Variants in ASAH2B observed in about 807,000 individuals in gnomAD.
ASAH2B encodes the protein N-acylsphingosine amidohydrolase 2B, also known as putative inactive neutral ceramidase B.
A neutral mutation model predicts 2.9 loss-of-function variants in ASAH2B; 1 was observed. The observed-to-expected ratio is 0.34, with a 90% CI of 0.12 to 1.63. ASAH2B has a LOEUF of 1.63. Ranked by LOEUF, ASAH2B falls within the 40% of genes most tolerant of loss-of-function variation. ASAH2B has a pLI of 0.36. For synonymous variants in ASAH2B, 4 were observed against 13.3 expected, an observed-to-expected ratio of 0.30 and a Z score of 1.52; for missense variants, 9 against 37.7, an observed-to-expected ratio of 0.24 and a Z score of 1.99.
rs532549253 is a variant in ASAH2B at position 50,743,518 on chromosome 10, G to A, written c.-4+508G>A. On this transcript the variant is annotated intron_variant, in intron 2 of 5. Transcript: ENST00000647317. The stretch of plus-strand genomic sequence containing the variant: ...CAGAGGAAGCTTATTATTATAATTA[G>A]TAGCATGCTTTTACTTTCTTGGTGG... 9.3e-4 allele frequency among the ~76,000 whole-genome samples: 140 copies of A among 150,946 alleles called. 2 individuals are homozygous for A. Among genetic ancestry groups the A allele is most frequent in the African/African-American group, 2.0e-3 (80 of 40,818 alleles).
chr10:50,751,571 A>G (rs1839979166), intron 4 of ASAH2B, among the ~76,000 whole-genome samples: 1 of 151,634 alleles, frequency 6.6e-6, no homozygotes. Flanking sequence ...GGTTATGAAA[A>G]CTTCCTTATT....
In ASAH2B at chr10:50,745,834, C is replaced by G. The variant is rs142659550; in HGVS notation, c.144+560C>G. Among the ~76,000 whole-genome samples the G allele has an allele frequency of 1.1e-3, 162 of 148,860 alleles. 8 individuals are homozygous for G. The highest frequency in any genetic ancestry group is 3.9e-3 in the African/African-American group (157 of 40,372). On this transcript the variant is annotated intron_variant, in intron 3 of 5. Coordinates refer to ENST00000647317, the MANE Select transcript of ASAH2B (RefSeq NM_001321958.2). ...TGGCTAGAATCTTCAATAGAATGTT[C>G]TGCTTTTTAAAAATTTTTATTTAAT...
chr10:50,741,424 G>A (rs2820731), intron 1 of ASAH2B, among the ~76,000 whole-genome samples: 1 of 152,166 alleles, frequency 6.6e-6, no homozygotes, highest in African/African-American at 2.4e-5. Context: ...AGACAGAAAA[G>A]AGAACAGATG....
chr10:50,759,025 T>A lies in ASAH2B; in HGVS notation c.*4285T>A, dbSNP rs367643705. Reference sequence around the variant, plus strand: ...TGTGTGTATTAGTTTGTGTTTGTGTTTGTGTACTGGGCAAATAGACTATTC... The same window carrying A: ...TGTGTGTATTAGTTTGTGTTTGTGTATGTGTACTGGGCAAATAGACTATTC... On this transcript the variant is annotated 3_prime_UTR_variant, in exon 6 of 6. Transcript: ENST00000647317. 1.4e-5 allele frequency: 2 copies of A among 144,458 alleles called. No individual in the cohort carries two copies. Among genetic ancestry groups the A allele is most frequent in the Admixed American group, 1.4e-4 (2 of 14,274 alleles). The allele number at this position is 144,458 out of a possible 1,614,324, so 8.9% of individuals were successfully genotyped here. A position where few individuals can be genotyped will look rare whatever the true frequency, so the allele number is the denominator to read the frequency against.
In ASAH2B at chr10:50,758,591, A is replaced by C. The variant is rs1837141011; in HGVS notation, c.*3851A>C. On this transcript the variant is annotated 3_prime_UTR_variant, in exon 6 of 6. Coordinates refer to ENST00000647317, the MANE Select transcript of ASAH2B (RefSeq NM_001321958.2). The stretch of plus-strand genomic sequence containing the variant: ...ATTAACTGCTCTTTGAAATAATTAG[A>C]ACTCGTTTTACTCTAGAAAATATAT... 2.0e-5 allele frequency: 3 copies of C among 151,692 alleles called. No homozygotes were observed. Among genetic ancestry groups the C allele is most frequent in the African/African-American group, 7.2e-5 (3 of 41,444 alleles). The allele number at this position is 151,692 out of a possible 1,614,324, so 9.4% of individuals were successfully genotyped here. A position where few individuals can be genotyped will look rare whatever the true frequency, so the allele number is the denominator to read the frequency against.
chr10:50,751,483 C>A (rs1839977609), intron 4 of ASAH2B, among the ~76,000 whole-genome samples: 1 of 150,322 alleles, frequency 6.7e-6, no homozygotes, highest in Admixed American at 6.6e-5. Flanking sequence ...AAAAGCCCAC[C>A]ATATCTTCTC....
chr10:50,746,957 C>T (rs2132723985), intron 3 of ASAH2B, among the ~76,000 whole-genome samples: 1 of 149,990 alleles, frequency 6.7e-6, no homozygotes, highest in Non-Finnish European at 1.5e-5. Context: ...TAGGTTGTCT[C>T]CTCACTTTGT....
Position 50,742,266 on chromosome 10 carries a change from G to A in ASAH2B, c.-99-649G>A, listed in dbSNP as rs191446150. 9.8e-5 allele frequency among the ~76,000 whole-genome samples: 15 copies of A among 152,300 alleles called. No individual in the cohort carries two copies. In the East Asian group the frequency reaches 2.9e-3, roughly 29 times the overall value. On this transcript the variant is annotated intron_variant, in intron 1 of 5. Transcript: ENST00000647317. The stretch of plus-strand genomic sequence containing the variant: ...GACAGAATTACCAGATGTGGAGACT[G>A]ATAGGATACAGGATGAGGGAGAGAG...
At chr10:50,754,269 G>T (rs1387489339) in intron 5 of ASAH2B, among the ~76,000 whole-genome samples, 2 of 144,186 alleles carry the variant, frequency 1.4e-5, no homozygotes, top group African/African-American at 5.2e-5. Flanking sequence ...ACATCTTGTG[G>T]CTATCAGGTA....
chr10:50,740,743 C>T (rs1296509814), intron 1 of ASAH2B, among the ~76,000 whole-genome samples: 2 of 152,164 alleles, frequency 1.3e-5, no homozygotes, highest in Non-Finnish European at 2.9e-5. Context: ...AGATTTTATG[C>T]AGCCTGATAT....
chr10:50,755,423 G>C lies in ASAH2B; in HGVS notation c.*683G>C, dbSNP rs1340918068. The C allele has an allele frequency of 4.6e-5, 4 of 86,842 alleles. No homozygotes were observed. Among genetic ancestry groups the C allele is most frequent in the African/African-American group, 1.1e-4 (4 of 35,752 alleles). The allele number at this position is 86,842 out of a possible 1,614,324, so 5.4% of individuals were successfully genotyped here. On this transcript the variant is annotated 3_prime_UTR_variant, in exon 6 of 6. Transcript: ENST00000647317. ...CAAATCATTTCTGGAATTGCCTTCA[G>C]GACACAATTATGAGAAAGTCAGACT...
At chr10:50,740,158 G>C (rs531319328) in intron 1 of ASAH2B, among the ~76,000 whole-genome samples, 175 bp downstream of exon 1, 2 of 151,980 alleles carry the variant, frequency 1.3e-5, no homozygotes, top group Non-Finnish European at 2.9e-5. Flanking sequence ...GTTGGGAGAG[G>C]GAACGGGGTG....
intron 3 of ASAH2B, among the ~76,000 whole-genome samples, chr10:50,748,905 G>A (rs1179879846): frequency 6.6e-6 from 1 of 151,506 alleles, no homozygotes; most frequent in Non-Finnish European, 1.5e-5. Flanking sequence ...TCAGGTGGGA[G>A]GATAAATACA....
Position 50,756,320 on chromosome 10 carries a change from T to A in ASAH2B, c.*1580T>A, listed in dbSNP as rs920231912. The A allele has an allele frequency of 2.0e-5, 3 of 151,540 alleles. No homozygotes were observed. The highest frequency in any genetic ancestry group is 3.0e-5 in the Non-Finnish European group (2 of 67,678). The allele number at this position is 151,540 out of a possible 1,614,324, so 9.4% of individuals were successfully genotyped here. A position where few individuals can be genotyped will look rare whatever the true frequency, so the allele number is the denominator to read the frequency against. On this transcript the variant is annotated 3_prime_UTR_variant, in exon 6 of 6. Transcript: ENST00000647317. ...TGGAACACTTTTTGATGAATTGGTA[T>A]CCTAGAGGCTGTTTCCTTGGGCCTT...
chr10:50,742,963 T>G lies in ASAH2B; in HGVS notation c.-51T>G. On this transcript the variant is annotated 5_prime_UTR_variant, in exon 2 of 6. An upstream open reading frame in the 5' UTR gains an earlier in-frame stop. Transcript: ENST00000647317. ...GACAATTTATGGACCGCACGCATTA[T>G]CTGCTTACATTCAGCTCTTCAGAAA... The G allele has an allele frequency of 6.2e-7, 1 of 1,614,124 alleles. No homozygotes were observed. Among genetic ancestry groups the G allele is most frequent in the Non-Finnish European group, 8.5e-7 (1 of 1,179,996 alleles).
At chr10:50,744,105 AT>A (rs1350830831) in intron 2 of ASAH2B, among the ~76,000 whole-genome samples, 1 of 151,314 alleles carries the variant, frequency 6.6e-6, no homozygotes, top group Non-Finnish European at 1.5e-5. Flanking sequence ...TTATTTATTT[AT>A]TTATTTCTAT....
intron 1 of ASAH2B, among the ~76,000 whole-genome samples, chr10:50,740,687 T>A (rs7078481): frequency 6.6e-6 from 1 of 152,214 alleles, no homozygotes; most frequent in East Asian, 1.9e-4. Flanking sequence ...AGGACCTTAA[T>A]TGAATGAAAT....
intron 3 of ASAH2B, among the ~76,000 whole-genome samples, chr10:50,746,328 G>T (rs1686937984): frequency 6.6e-6 from 1 of 151,268 alleles, no homozygotes; most frequent in Non-Finnish European, 1.5e-5. Flanking sequence ...CAAATGTAAG[G>T]ATCTCATTCT....
chr10:50,742,909 C>T lies in ASAH2B; in HGVS notation c.-99-6C>T. 1.2e-6 allele frequency: 2 copies of T among 1,613,902 alleles called. No individual in the cohort carries two copies. The highest frequency in any genetic ancestry group is 8.5e-7 in the Non-Finnish European group (1 of 1,179,810). On this transcript the variant is annotated splice_polypyrimidine_tract_variant and splice_region_variant and intron_variant, in intron 1 of 5. Transcript: ENST00000647317. ...CCATATACAACTCTCCCTGCCTTTC[C>T]TGCAGGCTCAGCGATATGAGGCAGC...
Sources: gnomAD v4.1 joint callset for allele counts (sites outside exome capture counted in the v4.1 genomes callset) on GRCh38, gnomAD v4.1.1 for gene constraint, MANE v1.5 for transcripts, NCBI Gene and HGNC (gene_info 2026-07-23, HGNC 2026-07-21) for gene names.